The following EYA2 variants were observed in gnomAD, a reference collection of about 807,000 sequenced individuals.
EYA2 encodes EYA transcriptional coactivator and phosphatase 2, also known as protein phosphatase EYA2.
EYA2 carries 31 observed loss-of-function variants against 69.2 expected under a neutral mutation model. The ratio of observed to expected loss-of-function variants is 0.45; its 90% CI spans 0.34 to 0.60. EYA2 has a LOEUF of 0.60. Ranked by LOEUF, EYA2 falls within the 20% of genes least tolerant of loss-of-function variation. The pLI, the probability that EYA2 is intolerant of heterozygous loss-of-function variation, is 0.02. For missense variants in EYA2, 622 were observed against 701.2 expected, an observed-to-expected ratio of 0.89 and a Z score of 1.28; for synonymous variants, 257 against 279.4, an observed-to-expected ratio of 0.92 and a Z score of 0.80.
At chr20:46,907,084 C>T (rs1347738903) in intron 1 of EYA2, among the ~76,000 whole-genome samples, 1 of 152,120 alleles carries the variant, frequency 6.6e-6, no homozygotes, top group Non-Finnish European at 1.5e-5. Flanking sequence ...ATGAAAATAA[C>T]GGACTCTGCA....
chr20:46,938,642 G>A (rs144858744), intron 1 of EYA2, among the ~76,000 whole-genome samples: 31 of 152,016 alleles, frequency 2.0e-4, no homozygotes, highest in Admixed American at 1.2e-3. Context: ...GAAAGCAAGT[G>A]GAGAGAGAGA....
rs76290244 is a variant in EYA2, at chr20:47,016,422, G to A, written c.415+125G>A. On this transcript the variant is annotated intron_variant, in intron 5 of 15. Transcript: ENST00000327619. The stretch of plus-strand genomic sequence containing the variant: ...TATGTGCCAGGCTCTATCTCGAGGA[G>A]TGGAGAAAATAGATACGAGATCTGC... 2.4e-3 allele frequency: 1,724 copies of A among 713,642 alleles called. 21 individuals carry two copies. The African/African-American group carries it at 0.028, about 12-fold the overall frequency. The allele number at this position is 713,642 out of a possible 1,614,324, so 44.2% of individuals were successfully genotyped here. A position where few individuals can be genotyped will look rare whatever the true frequency, so the allele number is the denominator to read the frequency against.
At chr20:46,982,985 G>A (rs992906012) in intron 1 of EYA2, among the ~76,000 whole-genome samples, 4 of 152,026 alleles carry the variant, frequency 2.6e-5, no homozygotes, top group African/African-American at 9.7e-5. Context: ...TGTTGGCCAG[G>A]CTGGTCTCAA....
At chr20:47,183,514 C>T (rs183835726) in intron 15 of EYA2, 123 bp downstream of exon 15, 40 of 742,424 alleles carry the variant, frequency 5.4e-5, no homozygotes, top group Non-Finnish European at 8.0e-5. Flanking sequence ...TTCCCAGGCT[C>T]CTTGCTTGCC....
chr20:47,072,340 C>A, intron 6 of EYA2, 88 bp downstream of exon 6: 1 of 1,278,424 alleles, frequency 7.8e-7, no homozygotes, highest in Non-Finnish European at 1.1e-6. Context: ...CCACGACACA[C>A]ACAATCCCCA....
chr20:46,965,956 C>T (rs779456316), intron 1 of EYA2, among the ~76,000 whole-genome samples: 5 of 152,218 alleles, frequency 3.3e-5, no homozygotes, highest in Non-Finnish European at 7.3e-5. Flanking sequence ...GCTGTGTTCA[C>T]GGAATCCAGT....
At chr20:47,034,306 C>T (rs1321743944) in intron 5 of EYA2, among the ~76,000 whole-genome samples, 1 of 152,080 alleles carries the variant, frequency 6.6e-6, no homozygotes, top group African/African-American at 2.4e-5. Flanking sequence ...AATGATTATA[C>T]GGATAGGGCT....
chr20:46,990,133 T>G lies in EYA2; in HGVS notation c.109+14T>G. Reference sequence around the variant, plus strand: ...GTGACAGACAAGGTAGGCTTCCTGCTGTGAGTTTGGGTCAACAGGTGTGGT... The same window carrying G: ...GTGACAGACAAGGTAGGCTTCCTGCGGTGAGTTTGGGTCAACAGGTGTGGT... On this transcript the variant is annotated intron_variant, in intron 2 of 15. Transcript: ENST00000327619. The G allele has an allele frequency of 5.3e-6, 8 of 1,519,346 alleles. No homozygotes were observed. Among genetic ancestry groups the G allele is most frequent in the South Asian group, 4.5e-5 (4 of 88,964 alleles). 94.1% of individuals were successfully genotyped at this position (1,519,346 alleles called of 1,614,324 possible).
At chr20:47,104,366 C>T (rs2032514625) in intron 9 of EYA2, among the ~76,000 whole-genome samples, 1 of 152,190 alleles carries the variant, frequency 6.6e-6, no homozygotes, top group African/African-American at 2.4e-5. Flanking sequence ...AATATTTTCT[C>T]TCTCATTCTG....
In EYA2 at chr20:47,065,619, AAATT is replaced by A. The variant is rs1435429544; in HGVS notation, c.416-6563_416-6560del. On this transcript the variant is annotated intron_variant, in intron 5 of 15. Coordinates refer to ENST00000327619, the MANE Select transcript of EYA2 (RefSeq NM_005244.5). ...TAATTTTTATTTTATAATTTTTAAT[AAATT>A]AAAAGCGTGATTTTTTTATTAGATT... Among the ~76,000 whole-genome samples, 490 of 152,360 alleles carry A rather than the reference AAATT, an allele frequency of 3.2e-3. 3 individuals are homozygous for A. Among genetic ancestry groups the A allele is most frequent in the African/African-American group, 0.011 (447 of 41,588 alleles).
chr20:47,037,159 G>T (rs144881031), intron 5 of EYA2, among the ~76,000 whole-genome samples: 1 of 152,122 alleles, frequency 6.6e-6, no homozygotes, highest in Non-Finnish European at 1.5e-5. Flanking sequence ...ATGAGAACTC[G>T]CTCACTATCA....
At position 47,187,648 on chromosome 20, in the gene EYA2, C is replaced by T. The variant is rs538230992; in HGVS notation, c.1537-405C>T. 3.3e-5 allele frequency among the ~76,000 whole-genome samples: 5 copies of T among 152,284 alleles called. No individual in the cohort carries two copies. In the East Asian group the frequency reaches 7.7e-4, roughly 24 times the overall value. On this transcript the variant is annotated intron_variant, in intron 15 of 15. Transcript: ENST00000327619. ...AATTCCCGGCCTCAAGCAATCCTCC[C>T]GCCTCAGCCTCCCAAAGTGCTGGGA...
At chr20:47,129,124 CA>C (rs1568795971) in intron 9 of EYA2, among the ~76,000 whole-genome samples, 1 of 152,032 alleles carries the variant, frequency 6.6e-6, no homozygotes, top group East Asian at 1.9e-4. Context: ...ACTCTTGTCT[CA>C]AAAAAAGAAA....
chr20:47,025,688 G>A (rs1446800633), intron 5 of EYA2, among the ~76,000 whole-genome samples: 2 of 152,172 alleles, frequency 1.3e-5, no homozygotes, highest in Non-Finnish European at 2.9e-5. Flanking sequence ...TTTCCAAAAA[G>A]TAGGAGTTGG....
intron 10 of EYA2, chr20:47,160,987 T>C: frequency 3.4e-6 from 1 of 294,404 alleles, no homozygotes. Flanking sequence ...GGGGGTCGGG[T>C]AGCTGTAGGT....
chr20:46,995,634 T>C (rs536464964), intron 2 of EYA2, among the ~76,000 whole-genome samples: 1 of 152,342 alleles, frequency 6.6e-6, no homozygotes, highest in South Asian at 2.1e-4. Flanking sequence ...CCTGGAGACA[T>C]CTCGCTGGCA....
At chr20:47,043,819 G>T (rs1600665289) in intron 5 of EYA2, among the ~76,000 whole-genome samples, 1 of 152,032 alleles carries the variant, frequency 6.6e-6, no homozygotes, top group East Asian at 1.9e-4. Flanking sequence ...TGTCTGAGTG[G>T]GTCAATAGAA....
At chr20:47,138,105 A>G (rs2146590879) in intron 9 of EYA2, among the ~76,000 whole-genome samples, 1 of 152,042 alleles carries the variant, frequency 6.6e-6, no homozygotes, top group East Asian at 1.9e-4. Flanking sequence ...TAACCTGCAC[A>G]TTGTGCACAT....
At chr20:47,009,193 G>A (rs542089699) in intron 4 of EYA2, among the ~76,000 whole-genome samples, 58 of 152,180 alleles carry the variant, frequency 3.8e-4, no homozygotes, top group South Asian at 1.7e-3. Context: ...ACGCGTGCAC[G>A]CACACACACA....
Sources: allele counts gnomAD v4.1 joint callset (sites outside exome capture counted in the v4.1 genomes callset), GRCh38; gene constraint gnomAD v4.1.1; transcripts MANE v1.5; gene names NCBI Gene and HGNC (gene_info 2026-07-23, HGNC 2026-07-21).